MAGI2: variants seen among roughly 807,000 people sequenced by gnomAD.
MAGI2 encodes the protein membrane-associated guanylate kinase, WW and PDZ domain-containing protein 2.
A neutral mutation model predicts 133.3 loss-of-function variants in MAGI2; 35 were observed. The observed-to-expected ratio is 0.26, with a 90% CI of 0.20 to 0.35. The LOEUF (loss-of-function observed/expected upper bound fraction) is 0.35, where lower values mean the gene tolerates loss of function less well. MAGI2 is among the 10% of genes least tolerant of loss of function. The pLI is 1.00. For synonymous variants in MAGI2, 729 were observed against 710.6 expected (o/e 1.03, Z -0.41); for missense variants, 1,636 against 1,863.4 (o/e 0.88, Z 2.25).
chr7:79,123,886 T>G (rs1820151791), intron 1 of MAGI2, among the ~76,000 whole-genome samples: 1 of 151,920 alleles, frequency 6.6e-6, no homozygotes, highest in Admixed American at 6.6e-5. Flanking sequence ...TTTTACTCGT[T>G]CTTTTAGTTG....
intron 15 of MAGI2, among the ~76,000 whole-genome samples, chr7:78,161,418 C>G (rs1824965208): frequency 1.3e-5 from 2 of 151,990 alleles, no homozygotes; most frequent in East Asian, 3.9e-4. Flanking sequence ...GATTAGTGTA[C>G]TCAAAAGATG....
chr7:78,285,746 C>A (rs1251183249), intron 9 of MAGI2: 1 of 152,048 alleles, frequency 6.6e-6, no homozygotes, highest in East Asian at 1.9e-4. Flanking sequence ...ATCAGGACAT[C>A]TGCGTGGGGT....
intron 1 of MAGI2, among the ~76,000 whole-genome samples, chr7:79,047,271 C>T (rs998861608): frequency 6.6e-6 from 1 of 151,974 alleles, no homozygotes; most frequent in Non-Finnish European, 1.5e-5. Flanking sequence ...ACTCATTTTA[C>T]AATAAAATAA....
intron 1 of MAGI2, among the ~76,000 whole-genome samples, chr7:79,295,513 A>C (rs1311938712): frequency 6.6e-6 from 1 of 152,096 alleles, no homozygotes; most frequent in Non-Finnish European, 1.5e-5. Context: ...ATTGCTTTTC[A>C]ATTACCTCTT....
rs200781303 is a variant in MAGI2, at chr7:78,176,908, GACACACAC to G, written c.2403+1095_2403+1102del. 6.8e-3 allele frequency among the ~76,000 whole-genome samples: 886 copies of G among 130,476 alleles called. 7 individuals are homozygous for G. Among genetic ancestry groups the G allele is most frequent in the African/African-American group, 0.022 (787 of 35,004 alleles). 85.6% of individuals were successfully genotyped at this position (130,476 alleles called of 152,430 possible). ...ATAGTATATTTAAAAACCATATATA[GACACACAC>G]ACACACACACACACACACACACACA... On this transcript the variant is annotated intron_variant, in intron 14 of 21. Transcript: ENST00000354212.
intron 1 of MAGI2, among the ~76,000 whole-genome samples, chr7:79,185,342 A>G (rs1367232321): frequency 6.6e-6 from 1 of 151,860 alleles, no homozygotes; most frequent in Non-Finnish European, 1.5e-5. Flanking sequence ...TCTATTATGA[A>G]AAATTTCAAA....
intron 9 of MAGI2, among the ~76,000 whole-genome samples, chr7:78,319,139 A>G (rs1092466): frequency 0.5 from 76,043 of 152,044 alleles, 20,999 homozygotes; most frequent in African/African-American, 0.74. Context: ...ATGTAAATGG[A>G]CTAAATGCCC....
intron 14 of MAGI2, among the ~76,000 whole-genome samples, chr7:78,175,297 T>TC (rs996016100): frequency 1.3e-5 from 2 of 151,976 alleles, no homozygotes; most frequent in African/African-American, 4.8e-5. Context: ...TTTGTTCCAG[T>TC]CCCCCCTAGA....
chr7:78,047,849 G>A (rs1010310362), intron 21 of MAGI2, among the ~76,000 whole-genome samples: 13 of 152,262 alleles, frequency 8.5e-5, no homozygotes, highest in East Asian at 3.9e-4. Context: ...CCTTGCTTGC[G>A]TTGATTTTGC....
intron 1 of MAGI2, among the ~76,000 whole-genome samples, chr7:79,065,804 T>G (rs1814255552): frequency 6.6e-6 from 1 of 152,126 alleles, no homozygotes; most frequent in South Asian, 2.1e-4. Context: ...AGTGAAAACA[T>G]GCAGTGTTTG....
chr7:78,175,839 C>A (rs1826543396), intron 14 of MAGI2, among the ~76,000 whole-genome samples: 1 of 152,076 alleles, frequency 6.6e-6, no homozygotes, highest in Admixed American at 6.5e-5. Flanking sequence ...AGACAAAGTC[C>A]TTGCTTAGGA....
chr7:78,701,796 G>C (rs920417272), intron 2 of MAGI2, among the ~76,000 whole-genome samples: 7 of 151,866 alleles, frequency 4.6e-5, no homozygotes, highest in African/African-American at 9.7e-5. Flanking sequence ...CAGTTAAAAG[G>C]CTTTCTTATA....
At chr7:78,807,215 C>A (rs908352159) in intron 2 of MAGI2, among the ~76,000 whole-genome samples, 7 of 151,952 alleles carry the variant, frequency 4.6e-5, no homozygotes, top group African/African-American at 1.7e-4. Context: ...CTCCAAAGAG[C>A]TTTTGTTTAT....
chr7:78,215,178 T>C (rs1042306292), intron 10 of MAGI2, among the ~76,000 whole-genome samples: 3 of 152,170 alleles, frequency 2.0e-5, no homozygotes, highest in African/African-American at 7.2e-5. Context: ...AAGGGAAACG[T>C]TAATGAATAG....
At chr7:79,254,729 A>G in intron 1 of MAGI2, among the ~76,000 whole-genome samples, 1 of 152,334 alleles carries the variant, frequency 6.6e-6, no homozygotes, top group Middle Eastern at 3.4e-3. Context: ...TACCACTTTA[A>G]TTATTACAGA....
At chr7:78,219,620 G>C (rs1788611559) in intron 10 of MAGI2, among the ~76,000 whole-genome samples, 1 of 152,098 alleles carries the variant, frequency 6.6e-6, no homozygotes. Flanking sequence ...CTATTCTACA[G>C]GGCCCACAGA....
intron 6 of MAGI2, among the ~76,000 whole-genome samples, chr7:78,395,912 G>A (rs1487146010): frequency 6.6e-6 from 1 of 152,196 alleles, no homozygotes. Flanking sequence ...TTCATGGAAA[G>A]TCAGGTTGAT....
intron 3 of MAGI2, among the ~76,000 whole-genome samples, chr7:78,560,929 C>G (rs1351344938): frequency 1.3e-5 from 2 of 152,106 alleles, no homozygotes; most frequent in Non-Finnish European, 2.9e-5. Flanking sequence ...TTGCATCAAC[C>G]TGGAACTTTC....
chr7:78,922,134 T>C (rs956606948), intron 2 of MAGI2, among the ~76,000 whole-genome samples: 2 of 141,026 alleles, frequency 1.4e-5, no homozygotes, highest in African/African-American at 5.4e-5. Flanking sequence ...TCTTTCTTTC[T>C]TTCTTTCTTT....
Sources: allele counts gnomAD v4.1 joint callset (sites outside exome capture counted in the v4.1 genomes callset), GRCh38; gene constraint gnomAD v4.1.1; transcripts MANE v1.5; gene names NCBI Gene and HGNC (gene_info 2026-07-23, HGNC 2026-07-21).